CADM1: variants seen among roughly 807,000 people sequenced by gnomAD.
The protein encoded by CADM1 is cell adhesion molecule 1.
Under a neutral mutation model 53.1 loss-of-function variants are expected in CADM1, and 15 were observed. The ratio of observed to expected loss-of-function variants is 0.28; its 90% CI spans 0.19 to 0.44. The LOEUF (loss-of-function observed/expected upper bound fraction) is 0.44. Among genes scored for constraint, CADM1 ranks in the 20% least tolerant of loss-of-function variants. CADM1 has a pLI of 1.00. For synonymous variants in CADM1, 281 were observed against 243.0 expected, an observed-to-expected ratio of 1.16 and a Z score of -1.45; for missense variants, 434 against 611.3, an observed-to-expected ratio of 0.71 and a Z score of 3.06.
chr11:115,479,267 T>C (rs1298936355), intron 1 of CADM1, among the ~76,000 whole-genome samples: 1 of 152,156 alleles, frequency 6.6e-6, no homozygotes, highest in East Asian at 1.9e-4. Flanking sequence ...GATCAGAAAG[T>C]ATCTTATGTT....
At chr11:115,356,313 C>G (rs1184800135) in intron 1 of CADM1, among the ~76,000 whole-genome samples, 1 of 150,070 alleles carries the variant, frequency 6.7e-6, no homozygotes, top group East Asian at 1.9e-4. Context: ...CCTAAATAAC[C>G]TGCGAATTTG....
chr11:115,257,974 T>G (rs1942847735), intron 1 of CADM1, among the ~76,000 whole-genome samples: 1 of 152,186 alleles, frequency 6.6e-6, no homozygotes, highest in African/African-American at 2.4e-5. Context: ...GGGTCTATGC[T>G]CTGAGAATTG....
At chr11:115,207,916 C>T (rs934722369) in intron 8 of CADM1, among the ~76,000 whole-genome samples, 4 of 152,082 alleles carry the variant, frequency 2.6e-5, no homozygotes, top group Non-Finnish European at 2.9e-5. Context: ...ATTTGGCTTA[C>T]GAACTGGGTA....
At chr11:115,391,552 G>C (rs1946836717) in intron 1 of CADM1, among the ~76,000 whole-genome samples, 1 of 152,214 alleles carries the variant, frequency 6.6e-6, no homozygotes, top group South Asian at 2.1e-4. Flanking sequence ...AGGCAAAAGA[G>C]AAGAGGAGGA....
At position 115,432,564 on chromosome 11, in the gene CADM1, A is replaced by G. The variant is rs73578866; in HGVS notation, c.124+71707T>C. ...TTTAATGAACACCTAAGAATAATAA[A>G]CAGAATTTTTTAAAATATAAAAGTA... On this transcript the variant is annotated intron_variant, in intron 1 of 11. Transcript: ENST00000331581. Among the ~76,000 whole-genome samples the G allele has an allele frequency of 2.6e-3, 403 of 152,304 alleles. 1 individual carries two copies. The highest frequency in any genetic ancestry group is 9.4e-3 in the African/African-American group (391 of 41,572).
chr11:115,351,682 T>C (rs1945741272), intron 1 of CADM1, among the ~76,000 whole-genome samples: 1 of 152,222 alleles, frequency 6.6e-6, no homozygotes, highest in Non-Finnish European at 1.5e-5. Flanking sequence ...ATTATTAATC[T>C]TTTAAACCTC....
intron 1 of CADM1, among the ~76,000 whole-genome samples, chr11:115,352,967 A>C (rs1754221478): frequency 6.6e-6 from 1 of 152,162 alleles, no homozygotes; most frequent in African/African-American, 2.4e-5. Context: ...TGCTATTGTG[A>C]ATAGTGCTGC....
intron 1 of CADM1, among the ~76,000 whole-genome samples, chr11:115,503,415 G>A (rs568047123): frequency 7.2e-5 from 11 of 152,292 alleles, no homozygotes; most frequent in Non-Finnish European, 1.5e-4. Context: ...TGGCCGCAGA[G>A]GCCGCGACGC....
intron 1 of CADM1, among the ~76,000 whole-genome samples, chr11:115,306,254 T>C (rs1944371001): frequency 6.6e-6 from 1 of 152,000 alleles, no homozygotes; most frequent in Non-Finnish European, 1.5e-5. Flanking sequence ...TTACAATTGA[T>C]TACAGTATTC....
Position 115,178,727 on chromosome 11 carries a change from A to G in CADM1, c.1214T>C (p.Val405Ala). The G allele has an allele frequency of 6.2e-7, 1 of 1,614,032 alleles. No individual in the cohort carries two copies. The highest frequency in any genetic ancestry group is 8.5e-7 in the Non-Finnish European group (1 of 1,180,028). ...EGSIRAVDHAVIGGVVAVVVF... is the reference protein window; with the variant it reads ...EGSIRAVDHAAIGGVVAVVVF... The stretch of plus-strand genomic sequence containing the variant: ...CACCACCGCCACGACGCCACCGATC[A>G]CGGCATGATCCACTGCCCTGATCGA... Residue 405 changes from valine to alanine, a missense_variant, in exon 11 of 12, where the codon GTG (valine) becomes GCG (alanine). Val to Ala is a moderately conservative substitution (Grantham distance 64, BLOSUM62 0). This residue lies in a region of CADM1 where 311 missense variants were observed against 435.1 expected (regional missense o/e 0.71). Coordinates refer to ENST00000331581, the MANE Select transcript of CADM1 (RefSeq NM_001301043.2).
intron 1 of CADM1, among the ~76,000 whole-genome samples, chr11:115,488,861 T>C (rs1013653019): frequency 6.6e-6 from 1 of 152,234 alleles, no homozygotes; most frequent in African/African-American, 2.4e-5. Flanking sequence ...TCAGGTTTGA[T>C]CCGATTACTG....
intron 11 of CADM1, among the ~76,000 whole-genome samples, 157 bp downstream of exon 11, chr11:115,178,483 GTTTT>G (rs375004893): frequency 5.2e-5 from 7 of 133,808 alleles, no homozygotes; most frequent in Admixed American, 1.5e-4. Context: ...TTCTGGTTTT[GTTTT>G]TTTTTTTTTT....
intron 1 of CADM1, among the ~76,000 whole-genome samples, chr11:115,498,468 C>A (rs1949667604): frequency 6.6e-6 from 1 of 152,194 alleles, no homozygotes; most frequent in Non-Finnish European, 1.5e-5. Flanking sequence ...ATTATGGGAA[C>A]AATTGGAAAT....
chr11:115,384,623 G>GATTA (rs1438585384), intron 1 of CADM1, among the ~76,000 whole-genome samples: 2 of 152,166 alleles, frequency 1.3e-5, no homozygotes, highest in Non-Finnish European at 2.9e-5. Flanking sequence ...CTCTCTAGAG[G>GATTA]ATTAGCCAAG....
chr11:115,196,071 A>G (rs1210294974), intron 9 of CADM1, among the ~76,000 whole-genome samples: 5 of 152,152 alleles, frequency 3.3e-5, no homozygotes, highest in African/African-American at 1.2e-4. Flanking sequence ...ATAACATCCT[A>G]CTGAGGTTTC....
At chr11:115,426,733 A>T (rs544852006) in intron 1 of CADM1, among the ~76,000 whole-genome samples, 1 of 147,502 alleles carries the variant, frequency 6.8e-6, no homozygotes, top group South Asian at 2.1e-4. Context: ...GGGCCCCTCC[A>T]CAGCTTGGAT....
intron 1 of CADM1, among the ~76,000 whole-genome samples, chr11:115,387,969 G>C (rs1345426641): frequency 6.6e-6 from 1 of 151,958 alleles, no homozygotes; most frequent in Non-Finnish European, 1.5e-5. Flanking sequence ...AGAAATGGTT[G>C]ATTACAGGGC....
At chr11:115,244,975 G>T (rs1314507409) in intron 1 of CADM1, among the ~76,000 whole-genome samples, 2 of 152,130 alleles carry the variant, frequency 1.3e-5, no homozygotes, top group Admixed American at 6.6e-5. Flanking sequence ...CCGCTGCCTG[G>T]CTGTTCATCA....
chr11:115,454,959 T>A (rs576298202), intron 1 of CADM1, among the ~76,000 whole-genome samples: 1 of 152,264 alleles, frequency 6.6e-6, no homozygotes, highest in South Asian at 2.1e-4. Context: ...TGCCAGCCCA[T>A]AAAATAAGAA....
Sources: gnomAD v4.1 joint callset for allele counts (sites outside exome capture counted in the v4.1 genomes callset) on GRCh38, gnomAD v4.1.1 for gene constraint, gnomAD v4.1.1 regional missense constraint, MANE v1.5 for transcripts, NCBI Gene and HGNC (gene_info 2026-07-23, HGNC 2026-07-21) for gene names.